Variants in SWAP70 observed in about 807,000 individuals in gnomAD.
The protein encoded by SWAP70 is switch-associated protein 70.
Under a neutral mutation model 80.2 loss-of-function variants are expected in SWAP70, and 34 were observed. The ratio of observed to expected loss-of-function variants is 0.42; its 90% confidence interval spans 0.32 to 0.56. The LOEUF (loss-of-function observed/expected upper bound fraction) is 0.56, where lower values mean the gene tolerates loss of function less well. Ranked by LOEUF, SWAP70 falls within the 20% of genes least tolerant of loss-of-function variation. The pLI is 0.09. For synonymous variants in SWAP70, 239 were observed against 238.5 expected (o/e 1.00, Z -0.02); for missense variants, 578 against 690.7 (o/e 0.84, Z 1.83).
intron 2 of SWAP70, among the ~76,000 whole-genome samples, chr11:9,704,347 A>G (rs1850872068): frequency 6.6e-6 from 1 of 151,908 alleles, no homozygotes; most frequent in South Asian, 2.1e-4. Context: ...TAGGCAAGGA[A>G]AGAGGACCTG....
rs535933153 is a variant in SWAP70 at position 9,740,721 on chromosome 11, G to A, written c.1355+374G>A. 4.1e-5 allele frequency: 11 copies of A among 265,934 alleles called. No homozygotes were observed. In the South Asian group the frequency reaches 5.2e-4, roughly 13 times the overall value. The allele number at this position is 265,934 out of a possible 1,614,324, so 16.5% of individuals were successfully genotyped here. A position where few individuals can be genotyped will look rare whatever the true frequency, so the allele number is the denominator to read the frequency against. On this transcript the variant is annotated intron_variant, in intron 9 of 11. Coordinates refer to ENST00000318950, the MANE Select transcript of SWAP70 (RefSeq NM_015055.4). The stretch of plus-strand genomic sequence containing the variant: ...AGAGGGCCATTGGTATGCAGGCAGA[G>A]GCCTGTTCAGGCCAACGTTGCCGTC...
At chr11:9,729,657 A>C (rs1205220487) in intron 6 of SWAP70, among the ~76,000 whole-genome samples, 2 of 151,204 alleles carry the variant, frequency 1.3e-5, no homozygotes, top group African/African-American at 4.9e-5. Context: ...ACGCCCAGCT[A>C]ATGTTTTTGT....
intron 1 of SWAP70, among the ~76,000 whole-genome samples, chr11:9,667,253 A>T (rs140354517): frequency 0.01 from 640 of 61,096 alleles, 2 homozygotes; most frequent in Middle Eastern, 0.076. Flanking sequence ...TGTGTGTGAG[A>T]GAGAGAGAGA....
chr11:9,706,877 T>C (rs1350130270), intron 2 of SWAP70, among the ~76,000 whole-genome samples: 2 of 152,162 alleles, frequency 1.3e-5, no homozygotes, highest in African/African-American at 4.8e-5. Context: ...AATTTAATAA[T>C]AAATACTTTG....
At chr11:9,731,475 T>G (rs1851297032) in intron 6 of SWAP70, among the ~76,000 whole-genome samples, 1 of 152,206 alleles carries the variant, frequency 6.6e-6, no homozygotes, top group Admixed American at 6.5e-5. Flanking sequence ...TACTCACACA[T>G]TTTTCAAAAT....
Position 9,750,705 on chromosome 11 carries a change from CG to C in SWAP70, c.*736del, listed in dbSNP as rs1564837688. On this transcript the variant is annotated 3_prime_UTR_variant, in exon 12 of 12. Transcript: ENST00000318950. The stretch of plus-strand genomic sequence containing the variant: ...TCCTTTGGCAGCGTGTTTCCTTTTC[CG>C]AGTATGTGCTGTTAAACTAGATTGG... 2.6e-5 allele frequency: 4 copies of C among 152,184 alleles called. No homozygotes were observed. The highest frequency in any genetic ancestry group is 5.9e-5 in the Non-Finnish European group (4 of 68,080). The allele number at this position is 152,184 out of a possible 1,614,324, so 9.4% of individuals were successfully genotyped here.
At position 9,707,857 on chromosome 11, in the gene SWAP70, T is replaced by C. The variant is rs538417579; in HGVS notation, c.241-5609T>C. Among the ~76,000 whole-genome samples the C allele has an allele frequency of 1.1e-4, 16 of 152,260 alleles. No individual in the cohort carries two copies. In the South Asian group the frequency reaches 3.3e-3, roughly 32 times the overall value. Reference sequence around the variant, plus strand: ...AGGCGTGAGCCACTGTGCCTGGCCCTTATTTTCTTTTAAAAAATTTAAAAA... The same window carrying C: ...AGGCGTGAGCCACTGTGCCTGGCCCCTATTTTCTTTTAAAAAATTTAAAAA... On this transcript the variant is annotated intron_variant, in intron 2 of 11. Transcript: ENST00000318950.
At chr11:9,691,266 C>T (rs1440853095) in intron 1 of SWAP70, among the ~76,000 whole-genome samples, 1 of 152,156 alleles carries the variant, frequency 6.6e-6, no homozygotes, top group East Asian at 1.9e-4. Flanking sequence ...ACCTTACTAA[C>T]AGTGAAAAAG....
chr11:9,712,588 A>G (rs1170652841), intron 2 of SWAP70, among the ~76,000 whole-genome samples: 1 of 152,226 alleles, frequency 6.6e-6, no homozygotes, highest in African/African-American at 2.4e-5. Flanking sequence ...TAGGCCAGGC[A>G]CAGTGGCTCA....
At chr11:9,726,918 A>G (rs1369540761) in intron 4 of SWAP70, 1 of 456,182 alleles carries the variant, frequency 2.2e-6, no homozygotes, top group Non-Finnish European at 4.4e-6. Context: ...TCTGGGGCAG[A>G]GTTCCTCCTT....
At chr11:9,711,331 C>A (rs1454560124) in intron 2 of SWAP70, among the ~76,000 whole-genome samples, 1 of 152,176 alleles carries the variant, frequency 6.6e-6, no homozygotes, top group African/African-American at 2.4e-5. Context: ...AATGATCAGT[C>A]TTCACCTACC....
chr11:9,671,401 T>A (rs1850381810), intron 1 of SWAP70, among the ~76,000 whole-genome samples: 1 of 101,396 alleles, frequency 9.9e-6, no homozygotes, highest in Non-Finnish European at 1.7e-5. Context: ...TATATATAAA[T>A]ATATAAAAAT....
At chr11:9,673,345 A>G (rs73408300) in intron 1 of SWAP70, among the ~76,000 whole-genome samples, 13,939 of 152,198 alleles carry the variant, frequency 0.092, 1,148 homozygotes, top group African/African-American at 0.21. Flanking sequence ...AAATAGACAG[A>G]TGAAGAGAGA....
At chr11:9,696,663 A>G (rs1850762137) in intron 2 of SWAP70, among the ~76,000 whole-genome samples, 1 of 152,212 alleles carries the variant, frequency 6.6e-6, no homozygotes, top group African/African-American at 2.4e-5. Context: ...TATTTTTTTA[A>G]TTGAACAATA....
chr11:9,743,654 T>C (rs1389717369), intron 9 of SWAP70, among the ~76,000 whole-genome samples: 2 of 151,822 alleles, frequency 1.3e-5, no homozygotes, highest in Non-Finnish European at 2.9e-5. Context: ...TGGCCAGTGA[T>C]GGTGAGCATT....
At chr11:9,720,410 TTAC>T in intron 3 of SWAP70, 1 of 985,376 alleles carries the variant, frequency 1.0e-6, no homozygotes, top group South Asian at 4.7e-5. Flanking sequence ...GCTTTCTGAG[TTAC>T]AAACATAACA....
chr11:9,688,776 G>A (rs1368754234), intron 1 of SWAP70, among the ~76,000 whole-genome samples: 2 of 152,104 alleles, frequency 1.3e-5, no homozygotes, highest in South Asian at 2.1e-4. Flanking sequence ...TAGATTAAAG[G>A]TAAGAGGAAA....
At chr11:9,748,447 T>C (rs1053632971) in intron 10 of SWAP70, among the ~76,000 whole-genome samples, 1 of 152,188 alleles carries the variant, frequency 6.6e-6, no homozygotes, top group East Asian at 1.9e-4. Flanking sequence ...AACCCCAGTG[T>C]TGTGATCCAT....
At chr11:9,711,492 C>G (rs931517861) in intron 2 of SWAP70, among the ~76,000 whole-genome samples, 6 of 152,126 alleles carry the variant, frequency 3.9e-5, no homozygotes, top group Non-Finnish European at 7.3e-5. Context: ...CAGGACCTGT[C>G]TCACACCTCA....
Sources: allele counts gnomAD v4.1 joint callset (sites outside exome capture counted in the v4.1 genomes callset), GRCh38; gene constraint gnomAD v4.1.1; transcripts MANE v1.5; gene names NCBI Gene and HGNC (gene_info 2026-07-23, HGNC 2026-07-21).